CAV1: variants seen among roughly 807,000 people sequenced by gnomAD.
CAV1 encodes caveolin 1, also known as caveolin-1.
CAV1 carries 10 observed loss-of-function variants against 16.5 expected under a neutral mutation model. The observed-to-expected ratio is 0.61, with a 90% CI of 0.37 to 1.03. CAV1 has a LOEUF of 1.03. Ranked by LOEUF, CAV1 falls within the 50% of genes least tolerant of loss-of-function variation. The pLI is 0.01. For synonymous variants in CAV1, 76 were observed against 85.1 expected (o/e 0.89, Z 0.59); for missense variants, 212 against 232.8 (o/e 0.91, Z 0.58).
intron 2 of CAV1, among the ~76,000 whole-genome samples, chr7:116,558,183 T>C (rs1381621322): frequency 6.6e-6 from 1 of 152,214 alleles, no homozygotes; most frequent in Non-Finnish European, 1.5e-5. Context: ...TGTTAACCGA[T>C]TATCAACTAA....
chr7:116,534,395 A>ATATATATATATATTTTTTTT (rs1442237865), intron 2 of CAV1, among the ~76,000 whole-genome samples: 1 of 7,838 alleles, frequency 1.3e-4, no homozygotes, highest in Non-Finnish European at 2.6e-4. Flanking sequence ...ATATATATAT[A>ATATATATATATATTTTTTTT]TTTTTTTTTT....
chr7:116,536,720 A>G lies in CAV1; in HGVS notation c.195+10031A>G, dbSNP rs575530982. Among the ~76,000 whole-genome samples the G allele has an allele frequency of 2.0e-3, 298 of 152,318 alleles. 1 individual carries two copies. Among genetic ancestry groups the G allele is most frequent in the Non-Finnish European group, 3.6e-3 (245 of 68,020 alleles). ...CTTTTTAGGCCAGAAAAAAGCCATT[A>G]AGGCCGGGCGCGGTGGCTCACGCCT... On this transcript the variant is annotated intron_variant, in intron 2 of 2. Transcript: ENST00000341049.
At chr7:116,534,698 C>T (rs918592476) in intron 2 of CAV1, among the ~76,000 whole-genome samples, 1 of 151,754 alleles carries the variant, frequency 6.6e-6, no homozygotes, top group East Asian at 1.9e-4. Flanking sequence ...CTGCACCCGG[C>T]CCAGATATAT....
At chr7:116,551,095 A>G (rs981861907) in intron 2 of CAV1, among the ~76,000 whole-genome samples, 1 of 152,214 alleles carries the variant, frequency 6.6e-6, no homozygotes, top group African/African-American at 2.4e-5. Flanking sequence ...AGTCTTTTGC[A>G]CGAGACAAAG....
chr7:116,542,883 T>A (rs1217711451), intron 2 of CAV1: 1 of 152,004 alleles, frequency 6.6e-6, no homozygotes, highest in Admixed American at 6.6e-5. Flanking sequence ...TTTTTCGAAA[T>A]TATGCAGCAA....
intron 2 of CAV1, among the ~76,000 whole-genome samples, chr7:116,555,832 T>C (rs573614749): frequency 6.6e-6 from 1 of 152,310 alleles, no homozygotes; most frequent in African/African-American, 2.4e-5. Flanking sequence ...TACTGCTGTG[T>C]AAATGGAGGT....
chr7:116,556,081 T>C (rs1794289254), intron 2 of CAV1, among the ~76,000 whole-genome samples: 1 of 152,216 alleles, frequency 6.6e-6, no homozygotes, highest in African/African-American at 2.4e-5. Flanking sequence ...TAAATCATGC[T>C]CACTAGCAGT....
Position 116,526,607 on chromosome 7 carries a change from A to G in CAV1, c.113A>G (p.Glu38Gly), listed in dbSNP as rs1223863681. 1 of 1,614,156 alleles carries G rather than the reference A, an allele frequency of 6.2e-7. No individual in the cohort carries two copies. Among genetic ancestry groups the G allele is most frequent in the Non-Finnish European group, 8.5e-7 (1 of 1,180,034 alleles). Residue 38 changes from glutamate to glycine, a missense_variant, in exon 2 of 3, where the codon GAG becomes GGG. Physicochemically the swap from Glu to Gly is moderately conservative, Grantham distance 98. Coordinates refer to ENST00000341049, the MANE Select transcript of CAV1 (RefSeq NM_001753.5). ...AAGGCCATGGCAGACGAGCTGAGCG[A>G]GAAGCAAGTGTACGACGCGCACACC... ...NNKAMADELS[E>G]KQVYDAHTKE...
At chr7:116,547,010 G>C (rs1794065176) in intron 2 of CAV1, among the ~76,000 whole-genome samples, 1 of 152,138 alleles carries the variant, frequency 6.6e-6, no homozygotes. Flanking sequence ...GGCATTCTGT[G>C]GATTGCAGCT....
intron 2 of CAV1, among the ~76,000 whole-genome samples, chr7:116,555,269 C>G (rs1455530923): frequency 6.6e-6 from 1 of 151,412 alleles, no homozygotes; most frequent in Non-Finnish European, 1.5e-5. Flanking sequence ...ATAGTGAGAC[C>G]CTCTCATCTC....
At position 116,537,687 on chromosome 7, in the gene CAV1, G is replaced by T. The variant is rs1180837876; in HGVS notation, c.195+10998G>T. On this transcript the variant is annotated intron_variant, in intron 2 of 2. Coordinates refer to ENST00000341049, the MANE Select transcript of CAV1 (RefSeq NM_001753.5). Reference sequence around the variant, plus strand: ...AAAGAGATGACAGTGTCCTCACACTGGGTGAGCAGCTTATGGTGATTCCAG... The same window carrying T: ...AAAGAGATGACAGTGTCCTCACACTTGGTGAGCAGCTTATGGTGATTCCAG... 9.9e-5 allele frequency among the ~76,000 whole-genome samples: 15 copies of T among 152,162 alleles called. No individual in the cohort carries two copies. In the East Asian group the frequency reaches 2.9e-3, roughly 29 times the overall value.
intron 2 of CAV1, among the ~76,000 whole-genome samples, chr7:116,556,177 T>C (rs1794290828): frequency 6.6e-6 from 1 of 152,180 alleles, no homozygotes; most frequent in Non-Finnish European, 1.5e-5. Flanking sequence ...CTCCTATGTA[T>C]TCATTGAAAA....
chr7:116,525,608 T>C (rs2115925002), intron 1 of CAV1: 1 of 1,147,924 alleles, frequency 8.7e-7, no homozygotes, highest in East Asian at 6.5e-5. Context: ...GAACTCCTTC[T>C]GCATCTTGGC....
chr7:116,555,648 GAA>G (rs1794280975), intron 2 of CAV1, among the ~76,000 whole-genome samples: 1 of 147,148 alleles, frequency 6.8e-6, no homozygotes, highest in African/African-American at 2.5e-5. Flanking sequence ...AGGAGAGAAA[GAA>G]AAAGGAAGGA....
chr7:116,552,406 G>A (rs1384719601), intron 2 of CAV1, among the ~76,000 whole-genome samples: 2 of 152,320 alleles, frequency 1.3e-5, no homozygotes, highest in South Asian at 2.1e-4. Context: ...GTTTCTAAAA[G>A]AGGAGATATG....
intron 2 of CAV1, among the ~76,000 whole-genome samples, chr7:116,558,373 G>A (rs963982287): frequency 2.6e-5 from 4 of 152,028 alleles, no homozygotes; most frequent in Non-Finnish European, 2.9e-5. Context: ...CTTTTGTGTG[G>A]TAGAGAAACA....
chr7:116,553,081 T>G (rs1377615965), intron 2 of CAV1, among the ~76,000 whole-genome samples: 1 of 152,224 alleles, frequency 6.6e-6, no homozygotes, highest in Non-Finnish European at 1.5e-5. Context: ...ATGTGTAAGA[T>G]CATTACTTAT....
intron 2 of CAV1, among the ~76,000 whole-genome samples, chr7:116,539,262 C>T (rs939353269): frequency 7.9e-5 from 12 of 152,106 alleles, no homozygotes; most frequent in South Asian, 6.2e-4. Flanking sequence ...AACTATCCTG[C>T]GTCACTGTCC....
At chr7:116,548,808 C>A (rs566080819) in intron 2 of CAV1, among the ~76,000 whole-genome samples, 1 of 152,142 alleles carries the variant, frequency 6.6e-6, no homozygotes, top group Admixed American at 6.5e-5. Context: ...TAATACCTGC[C>A]TTGCAGGTCC....
Sources: allele counts gnomAD v4.1 joint callset (sites outside exome capture counted in the v4.1 genomes callset), GRCh38; gene constraint gnomAD v4.1.1; transcripts MANE v1.5; gene names NCBI Gene and HGNC (gene_info 2026-07-23, HGNC 2026-07-21).